Variants in SBNO1 observed in about 807,000 individuals in gnomAD.
The protein encoded by SBNO1 is strawberry notch homolog 1, also known as protein strawberry notch homolog 1.
SBNO1 carries 23 observed loss-of-function variants against 173.6 expected under a neutral mutation model. The observed-to-expected ratio is 0.13, with a 90% CI of 0.10 to 0.19. The LOEUF is 0.19. SBNO1 is among the 10% of genes least tolerant of loss of function. The pLI is 1.00. For synonymous variants in SBNO1, 632 were observed against 571.5 expected, an observed-to-expected ratio of 1.11 and a Z score of -1.51; for missense variants, 1,238 against 1,671.2, an observed-to-expected ratio of 0.74 and a Z score of 4.52.
At chr12:123,356,862 C>T (rs538649221) in intron 1 of SBNO1, among the ~76,000 whole-genome samples, 123 of 152,310 alleles carry the variant, frequency 8.1e-4, no homozygotes, top group Non-Finnish European at 1.4e-3. Flanking sequence ...TAAATGTGCA[C>T]GGATACTATC....
At chr12:123,311,749 T>TA (rs1566027871) in intron 24 of SBNO1, among the ~76,000 whole-genome samples, 91 of 141,978 alleles carry the variant, frequency 6.4e-4, no homozygotes, top group Admixed American at 1.2e-3. Flanking sequence ...TATATATATA[T>TA]TTTTGCGACA....
intron 7 of SBNO1, among the ~76,000 whole-genome samples, chr12:123,332,014 G>A (rs889251742): frequency 3.4e-4 from 52 of 151,222 alleles, no homozygotes; most frequent in African/African-American, 1.2e-3. Context: ...ACCACGCCCA[G>A]CTAATTTTTT....
At chr12:123,297,873 A>G (rs769235012) in intron 31 of SBNO1, 105 bp downstream of exon 31, 5 of 991,116 alleles carry the variant, frequency 5.0e-6, no homozygotes, top group Admixed American at 2.2e-5. Context: ...CACTACTGGA[A>G]GAGATGTTAG....
chr12:123,304,788 C>T, intron 28 of SBNO1, 69 bp from the exon 29 acceptor site: 1 of 1,047,010 alleles, frequency 9.6e-7, no homozygotes. Context: ...TCTGTACCAT[C>T]ACGTCAGCAA....
At chr12:123,327,861 A>G (rs752768172) in intron 11 of SBNO1, 31 bp downstream of exon 11, 1 of 1,583,666 alleles carries the variant, frequency 6.3e-7, no homozygotes, top group Non-Finnish European at 8.6e-7. Flanking sequence ...AATAACCTAC[A>G]ATATATATTT....
At chr12:123,334,265 T>C in intron 6 of SBNO1, 52 bp from the exon 7 acceptor site, 1 of 1,059,396 alleles carries the variant, frequency 9.4e-7, no homozygotes, top group Non-Finnish European at 1.4e-6. Flanking sequence ...GTAATAACAT[T>C]TCCAGTTTCA....
At chr12:123,310,169 G>C (rs1398616701) in intron 25 of SBNO1, among the ~76,000 whole-genome samples, 2 of 152,194 alleles carry the variant, frequency 1.3e-5, no homozygotes, top group African/African-American at 4.8e-5. Context: ...GGCACTATTA[G>C]AATGTCTGGG....
rs771806204 is a variant in SBNO1, at chr12:123,311,107, G to C, written c.3243C>G (p.Gly1081=). 2.5e-6 allele frequency: 4 copies of C among 1,613,300 alleles called. No individual in the cohort carries two copies. In the Admixed American group the frequency reaches 6.7e-5, roughly 27 times the overall value. The change falls in exon 25 of 32, where the codon GGC becomes GGG. Residue 1081 remains glycine, a synonymous_variant. Coordinates refer to ENST00000602398, the MANE Select transcript of SBNO1 (RefSeq NM_001167856.3). ...GATCTTCTACATTTATCAGGCCAAC[G>C]CCTATCAGTCCTTGTCGAACATCTG... ...FFKDVRQGLI[G]VGLINVEDRS... is the part of the protein sequence containing the mutation.
chr12:123,311,860 C>T lies in SBNO1; in HGVS notation c.3221-731G>A, dbSNP rs542848230. Among the ~76,000 whole-genome samples, 10 of 151,418 alleles carry T rather than the reference C, an allele frequency of 6.6e-5. No individual in the cohort carries two copies. The South Asian group carries it at 1.5e-3, about 22-fold the overall frequency. ...AAGGGATCCTCCCACCTCAGCTTCC[C>T]GAGCAGCTGGAACTACAGGCGTGCA... On this transcript the variant is annotated intron_variant, in intron 24 of 31. Coordinates refer to ENST00000602398, the MANE Select transcript of SBNO1 (RefSeq NM_001167856.3).
chr12:123,322,362 T>G (rs1283261965), intron 16 of SBNO1, among the ~76,000 whole-genome samples: 1 of 152,182 alleles, frequency 6.6e-6, no homozygotes, highest in African/African-American at 2.4e-5. Context: ...TGGCATAATC[T>G]TGGCTCACTG....
chr12:123,353,106 G>A (rs1874073858), intron 1 of SBNO1, among the ~76,000 whole-genome samples: 4 of 152,048 alleles, frequency 2.6e-5, no homozygotes, highest in African/African-American at 9.7e-5. Flanking sequence ...CCTCCCAAAG[G>A]AGATTTCTCC....
intron 30 of SBNO1, among the ~76,000 whole-genome samples, 172 bp downstream of exon 30, chr12:123,302,652 T>G (rs976306211): frequency 6.6e-6 from 1 of 152,176 alleles, no homozygotes; most frequent in African/African-American, 2.4e-5. Flanking sequence ...GTACATAAAC[T>G]AAACAGTTTC....
intron 29 of SBNO1, among the ~76,000 whole-genome samples, chr12:123,303,188 G>A (rs1180486164): frequency 6.6e-6 from 1 of 152,130 alleles, no homozygotes; most frequent in Non-Finnish European, 1.5e-5. Context: ...AATAGTAAAT[G>A]TTAGGAAAAG....
At chr12:123,355,360 TAAAA>T (rs1482357701) in intron 1 of SBNO1, among the ~76,000 whole-genome samples, 1 of 151,420 alleles carries the variant, frequency 6.6e-6, no homozygotes, top group Non-Finnish European at 1.5e-5. Flanking sequence ...ATAATAAAAA[TAAAA>T]AAACGCTGGG....
chr12:123,316,815 G>A (rs984046940), intron 21 of SBNO1, among the ~76,000 whole-genome samples: 15 of 148,654 alleles, frequency 1.0e-4, no homozygotes, highest in Admixed American at 3.5e-4. Flanking sequence ...CAATTCTCCC[G>A]TCTCAGCACC....
intron 30 of SBNO1, among the ~76,000 whole-genome samples, chr12:123,300,513 C>T (rs191823660): frequency 1.3e-5 from 2 of 152,046 alleles, no homozygotes; most frequent in Middle Eastern, 6.8e-3. Context: ...AAAAATTAGC[C>T]GGGCGTGGTT....
intron 23 of SBNO1, among the ~76,000 whole-genome samples, chr12:123,314,505 T>C (rs1869032154): frequency 6.6e-6 from 1 of 151,346 alleles, no homozygotes; most frequent in Non-Finnish European, 1.5e-5. Flanking sequence ...AATTTTTCTA[T>C]TTTTAGTAGA....
intron 5 of SBNO1, among the ~76,000 whole-genome samples, chr12:123,336,882 A>C (rs1308733888): frequency 6.6e-6 from 1 of 152,316 alleles, no homozygotes; most frequent in East Asian, 1.9e-4. Flanking sequence ...TTCCTAGTGC[A>C]AAACTGGAGT....
rs908798366 is a variant in SBNO1 at position 123,302,881 on chromosome 12, A to C, written c.3788T>G (p.Leu1263Arg). 1.9e-6 allele frequency: 3 copies of C among 1,613,070 alleles called. No individual in the cohort carries two copies. Residue 1263 changes from leucine (L) to arginine (R), a missense_variant, in exon 30 of 32, where the codon CTG becomes CGG. Coordinates refer to ENST00000602398, the MANE Select transcript of SBNO1 (RefSeq NM_001167856.3). ...KYKKVVSDDA[L>R]MHWLDQYNSS... ...ATTATACTGATCTAACCAGTGCATC[A>C]GGGCATCATCTGAGACGACCTGTAA...
Sources: gnomAD v4.1 joint callset for allele counts (sites outside exome capture counted in the v4.1 genomes callset) on GRCh38, gnomAD v4.1.1 for gene constraint, MANE v1.5 for transcripts, NCBI Gene and HGNC (gene_info 2026-07-23, HGNC 2026-07-21) for gene names.